The following CD96 variants were observed in gnomAD, a reference collection of about 807,000 sequenced individuals.
The protein encoded by CD96 is CD96 molecule, also known as T-cell surface protein tactile.
CD96 carries 70 observed loss-of-function variants against 71.3 expected under a neutral mutation model. That is an observed-to-expected ratio of 0.98 (90% CI 0.81 to 1.20). CD96 has a LOEUF of 1.20. Ranked by LOEUF, CD96 falls within the 50% of genes most tolerant of loss-of-function variation. The pLI is 0.00. For synonymous variants in CD96, 248 were observed against 233.0 expected, an observed-to-expected ratio of 1.06 and a Z score of -0.59; for missense variants, 742 against 677.5, an observed-to-expected ratio of 1.10 and a Z score of -1.06.
At chr3:111,623,327 T>C (rs1388344315) in intron 8 of CD96, among the ~76,000 whole-genome samples, 5 of 152,120 alleles carry the variant, frequency 3.3e-5, no homozygotes, top group African/African-American at 9.7e-5. Flanking sequence ...AAACTAACAA[T>C]TGAAGTAAAT....
intron 5 of CD96, among the ~76,000 whole-genome samples, chr3:111,597,378 C>G (rs1937306712): frequency 6.6e-6 from 1 of 152,144 alleles, no homozygotes; most frequent in Admixed American, 6.6e-5. Context: ...CATCTAAGTT[C>G]TCTGCTTTCA....
chr3:111,577,831 A>G (rs113100808), intron 3 of CD96, among the ~76,000 whole-genome samples: 52 of 152,268 alleles, frequency 3.4e-4, no homozygotes, highest in African/African-American at 1.1e-3. Flanking sequence ...ATTCCAATTC[A>G]TAGATCTTAT....
At chr3:111,642,722 G>T (rs112211065) in intron 12 of CD96, among the ~76,000 whole-genome samples, 2 of 152,036 alleles carry the variant, frequency 1.3e-5, no homozygotes, top group African/African-American at 2.4e-5. Context: ...TGGGAGATTT[G>T]CTTGAGTCTG....
At chr3:111,583,976 G>T (rs1936587855) in intron 4 of CD96, among the ~76,000 whole-genome samples, 1 of 152,118 alleles carries the variant, frequency 6.6e-6, no homozygotes, top group African/African-American at 2.4e-5. Flanking sequence ...CTAGAAAATG[G>T]GTTTCTCTTT....
At chr3:111,595,781 G>A (rs1417873879) in intron 5 of CD96, among the ~76,000 whole-genome samples, 1 of 151,698 alleles carries the variant, frequency 6.6e-6, no homozygotes, top group East Asian at 1.9e-4. Flanking sequence ...GATTGAGAAG[G>A]AAAACCTACC....
chr3:111,596,070 G>A (rs964721110), intron 5 of CD96, among the ~76,000 whole-genome samples: 1 of 152,026 alleles, frequency 6.6e-6, no homozygotes, highest in African/African-American at 2.4e-5. Flanking sequence ...GCTGAAGCAA[G>A]AGAATTGCTT....
At chr3:111,645,672 C>T (rs1427916337) in intron 12 of CD96, among the ~76,000 whole-genome samples, 3 of 152,112 alleles carry the variant, frequency 2.0e-5, no homozygotes, top group Admixed American at 2.0e-4. Context: ...CCAATTGTCT[C>T]TTTCATGATC....
chr3:111,576,407 C>A (rs1198331615), intron 3 of CD96, among the ~76,000 whole-genome samples: 1 of 152,172 alleles, frequency 6.6e-6, no homozygotes, highest in Admixed American at 6.5e-5. Context: ...CCCTTTCAAT[C>A]AACAAATTGC....
chr3:111,571,145 G>A, intron 3 of CD96: 5 of 648,562 alleles, frequency 7.7e-6, no homozygotes, highest in Non-Finnish European at 1.1e-5. Flanking sequence ...CCTCTACCTG[G>A]GTCCCCCTTT....
chr3:111,575,074 A>C (rs969652051), intron 3 of CD96, among the ~76,000 whole-genome samples: 1 of 152,194 alleles, frequency 6.6e-6, no homozygotes, highest in African/African-American at 2.4e-5. Flanking sequence ...AATTACAGGC[A>C]TGAGCCACCA....
intron 3 of CD96, chr3:111,570,503 G>A (rs896032790): frequency 1.3e-5 from 11 of 842,294 alleles, no homozygotes; most frequent in Middle Eastern, 3.6e-4. Context: ...GAGCCACCAA[G>A]GTAGAAATCA....
Position 111,651,291 on chromosome 3 carries a change from T to C in CD96, c.*1485T>C, listed in dbSNP as rs1940064217. ...TCCTACTATTCACATCTTTATGTGG[T>C]CCCCTCCAATGCTGAATACAGATGA... On this transcript the variant is annotated 3_prime_UTR_variant, in exon 14 of 14. Coordinates refer to ENST00000352690, the MANE Select transcript of CD96 (RefSeq NM_005816.5). The C allele has an allele frequency of 6.6e-6, 1 of 152,132 alleles. No individual in the cohort carries two copies. The highest frequency in any genetic ancestry group is 1.5e-5 in the Non-Finnish European group (1 of 68,054). The allele number at this position is 152,132 out of a possible 1,614,324, so 9.4% of individuals were successfully genotyped here. A position where few individuals can be genotyped will look rare whatever the true frequency, so the allele number is the denominator to read the frequency against.
chr3:111,647,407 A>T (rs1390154286), intron 12 of CD96, 136 bp from the exon 13 acceptor site: 6 of 810,310 alleles, frequency 7.4e-6, no homozygotes, highest in Non-Finnish European at 1.3e-5. Context: ...AACAAGGCTT[A>T]GACATGCCCA....
At chr3:111,586,151 G>T (rs1474742523) in intron 5 of CD96, among the ~76,000 whole-genome samples, 3 of 152,002 alleles carry the variant, frequency 2.0e-5, no homozygotes, top group Admixed American at 6.6e-5. Flanking sequence ...AAACATTATT[G>T]TTCTTGTTTT....
intron 10 of CD96, chr3:111,634,393 A>G (rs915909867): frequency 9.8e-5 from 15 of 152,344 alleles, no homozygotes; most frequent in African/African-American, 3.6e-4. Flanking sequence ...AGAAGCTCCA[A>G]TAACACAGTA....
At chr3:111,645,875 C>G (rs1287717788) in intron 12 of CD96, among the ~76,000 whole-genome samples, 3 of 152,130 alleles carry the variant, frequency 2.0e-5, no homozygotes, top group Admixed American at 2.0e-4. Flanking sequence ...TTCAACACTT[C>G]TAACCAATGC....
chr3:111,613,980 T>C (rs904483148), intron 8 of CD96, among the ~76,000 whole-genome samples: 2 of 152,230 alleles, frequency 1.3e-5, no homozygotes, highest in African/African-American at 4.8e-5. Flanking sequence ...AAATGAGATA[T>C]ATTGAATAAT....
At chr3:111,631,832 C>A (rs1026452788) in intron 10 of CD96, among the ~76,000 whole-genome samples, 1 of 152,128 alleles carries the variant, frequency 6.6e-6, no homozygotes, top group Non-Finnish European at 1.5e-5. Context: ...TACACACCTA[C>A]AACTATCTGA....
In CD96 at chr3:111,650,092, A is replaced by AT. The variant is rs1703206447; in HGVS notation, c.*287dup. The AT allele has an allele frequency of 4.9e-6, 2 of 406,232 alleles. No individual in the cohort carries two copies. The allele number at this position is 406,232 out of a possible 1,614,324, so 25.2% of individuals were successfully genotyped here. A position where few individuals can be genotyped will look rare whatever the true frequency, so the allele number is the denominator to read the frequency against. On this transcript the variant is annotated 3_prime_UTR_variant, in exon 14 of 14. Coordinates refer to ENST00000352690, the MANE Select transcript of CD96 (RefSeq NM_005816.5). ...ATTAGTCTGCCATCTTTAAAAAAAA[A>AT]TACAGTATTTTCATTTAAATTCTCT...
Sources: allele counts gnomAD v4.1 joint callset (sites outside exome capture counted in the v4.1 genomes callset), GRCh38; gene constraint gnomAD v4.1.1; transcripts MANE v1.5; gene names NCBI Gene and HGNC (gene_info 2026-07-23, HGNC 2026-07-21).